The following MSR1 variants were observed in gnomAD, a reference collection of about 807,000 sequenced individuals.
MSR1 encodes macrophage scavenger receptor types I and II.
In MSR1, 53 loss-of-function variants were observed where a neutral mutation model predicts 47.2. The ratio of observed to expected loss-of-function variants is 1.12; its 90% CI spans 0.90 to 1.41. MSR1 has a LOEUF of 1.41. Ranked by LOEUF, MSR1 falls within the 40% of genes most tolerant of loss-of-function variation. The probability of loss-of-function intolerance (pLI) is 0.00; values close to 1 mark genes in which losing one functional copy is unlikely to be tolerated. For synonymous variants in MSR1, 239 were observed against 185.6 expected (o/e 1.29, Z -2.34); for missense variants, 786 against 546.9 (o/e 1.44, Z -4.36).
At chr8:16,180,091 T>A (rs1036790252) in intron 1 of MSR1, among the ~76,000 whole-genome samples, 1 of 138,674 alleles carries the variant, frequency 7.2e-6, no homozygotes, top group African/African-American at 2.8e-5. Flanking sequence ...CCGGTCTCTC[T>A]CTTTCTCTCT....
At chr8:16,153,387 C>T (rs1302407353) in intron 6 of MSR1, among the ~76,000 whole-genome samples, 2 of 151,924 alleles carry the variant, frequency 1.3e-5, no homozygotes, top group South Asian at 4.2e-4. Flanking sequence ...GTGCACCAAA[C>T]AAAATGGTAA....
chr8:16,183,240 G>A (rs533907744), intron 1 of MSR1, among the ~76,000 whole-genome samples: 6 of 152,084 alleles, frequency 3.9e-5, no homozygotes, highest in African/African-American at 1.4e-4. Context: ...TTACTGAAAT[G>A]CAAAATAAAC....
intron 8 of MSR1, chr8:16,120,823 A>C (rs1799987199): frequency 1.7e-6 from 1 of 601,142 alleles, no homozygotes; most frequent in South Asian, 2.1e-5. Context: ...GTTAAGAGCA[A>C]AATCCAATCT....
chr8:16,136,669 C>A (rs1424240517), intron 8 of MSR1, among the ~76,000 whole-genome samples: 1 of 152,054 alleles, frequency 6.6e-6, no homozygotes, highest in Non-Finnish European at 1.5e-5. Flanking sequence ...GTGGCATGAT[C>A]TCAGCTCACT....
In MSR1 at chr8:16,116,594, TA is replaced by T. The variant is rs769374345; in HGVS notation, c.1222+3823del. On this transcript the variant is annotated intron_variant, in intron 9 of 9. Transcript: ENST00000262101. ...TGTCATTCTATTCCTTATTTAAGTT[TA>T]AAAAAAACCATTTTCTTCTTAGTAT... 1.9e-4 allele frequency among the ~76,000 whole-genome samples: 28 copies of T among 151,076 alleles called. No individual in the cohort carries two copies. The South Asian group carries it at 5.6e-3, about 30-fold the overall frequency.
Position 16,177,869 on chromosome 8 carries a change from C to T in MSR1, c.103+17G>A. ...CTAAGAACAACCTCCATGGGCAGCC[C>T]ATCCCCCTCTACTTACTCGGAGGAA... On this transcript the variant is annotated intron_variant, in intron 2 of 9. Coordinates refer to ENST00000262101, the MANE Select transcript of MSR1 (RefSeq NM_138715.3). 3.1e-6 allele frequency: 5 copies of T among 1,603,808 alleles called. No individual in the cohort carries two copies. The highest frequency in any genetic ancestry group is 4.3e-6 in the Non-Finnish European group (5 of 1,170,806).
At chr8:16,123,659 A>C (rs1254684688) in intron 8 of MSR1, among the ~76,000 whole-genome samples, 4 of 152,028 alleles carry the variant, frequency 2.6e-5, no homozygotes, top group Non-Finnish European at 4.4e-5. Context: ...TTCAAATCAA[A>C]TAAACACAGA....
chr8:16,112,902 G>C (rs542305472), intron 9 of MSR1, among the ~76,000 whole-genome samples: 1 of 146,618 alleles, frequency 6.8e-6, no homozygotes, highest in South Asian at 2.2e-4. Context: ...TTTATAATTT[G>C]AGGGTTGTAG....
At chr8:16,172,075 AT>A (rs1276331829) in intron 3 of MSR1, among the ~76,000 whole-genome samples, 6 of 152,208 alleles carry the variant, frequency 3.9e-5, no homozygotes, top group African/African-American at 1.2e-4. Flanking sequence ...GGGAAGTAGC[AT>A]TGTGTGATAA....
intron 1 of MSR1, among the ~76,000 whole-genome samples, chr8:16,178,835 T>C (rs1428947702): frequency 6.6e-6 from 1 of 152,158 alleles, no homozygotes; most frequent in Non-Finnish European, 1.5e-5. Context: ...TGGTTTGGAT[T>C]AGCATTTCTC....
intron 1 of MSR1, among the ~76,000 whole-genome samples, chr8:16,188,011 A>G (rs1802052909): frequency 6.6e-6 from 1 of 152,172 alleles, no homozygotes; most frequent in Non-Finnish European, 1.5e-5. Flanking sequence ...GTGCCTTTTA[A>G]TATCAGTTCC....
chr8:16,185,358 A>G (rs1192894854), intron 1 of MSR1, among the ~76,000 whole-genome samples: 1 of 152,184 alleles, frequency 6.6e-6, no homozygotes, highest in Non-Finnish European at 1.5e-5. Flanking sequence ...TTTGTTTTAC[A>G]TAACACAACT....
chr8:16,170,734 T>G (rs956062730), intron 3 of MSR1, among the ~76,000 whole-genome samples: 5 of 152,142 alleles, frequency 3.3e-5, no homozygotes, highest in Admixed American at 1.3e-4. Context: ...AACTAACAGC[T>G]TGGTGTTTAC....
chr8:16,110,052 C>T lies in MSR1; in HGVS notation c.*33G>A, dbSNP rs781018143. 44 of 1,611,404 alleles carry T rather than the reference C, an allele frequency of 2.7e-5. No homozygotes were observed. Among genetic ancestry groups the T allele is most frequent in the South Asian group, 4.4e-5 (4 of 91,024 alleles). ...AGGTAATAAAATCATTTTTGAGCAGCGATTTCATAGTTGTGAATGAAAATA... is the reference window on the plus strand; with the variant it reads ...AGGTAATAAAATCATTTTTGAGCAGTGATTTCATAGTTGTGAATGAAAATA... On this transcript the variant is annotated 3_prime_UTR_variant, in exon 10 of 10. Transcript: ENST00000262101.
chr8:16,117,741 C>T (rs951663393), intron 9 of MSR1, among the ~76,000 whole-genome samples: 1 of 152,104 alleles, frequency 6.6e-6, no homozygotes, highest in Non-Finnish European at 1.5e-5. Flanking sequence ...AAGCAACACA[C>T]TTCAGGTGTC....
intron 9 of MSR1, among the ~76,000 whole-genome samples, chr8:16,112,436 T>C (rs1799778559): frequency 6.6e-6 from 1 of 152,264 alleles, no homozygotes; most frequent in Non-Finnish European, 1.5e-5. Context: ...GTGATATTCA[T>C]GGGTTACATA....
At chr8:16,126,189 A>G (rs1800124311) in intron 8 of MSR1, among the ~76,000 whole-genome samples, 1 of 152,176 alleles carries the variant, frequency 6.6e-6, no homozygotes, top group Non-Finnish European at 1.5e-5. Context: ...TAGAGAAAAG[A>G]TACTACGAAT....
In MSR1 at chr8:16,109,770, C is replaced by G. The variant is rs1799713877; in HGVS notation, c.*315G>C. 3 of 304,346 alleles carry G rather than the reference C, an allele frequency of 9.9e-6. No individual in the cohort carries two copies. Among genetic ancestry groups the G allele is most frequent in the Non-Finnish European group, 1.9e-5 (3 of 161,266 alleles). 18.9% of individuals were successfully genotyped at this position (304,346 alleles called of 1,614,324 possible). On this transcript the variant is annotated 3_prime_UTR_variant, in exon 10 of 10. Coordinates refer to ENST00000262101, the MANE Select transcript of MSR1 (RefSeq NM_138715.3). ...CTGGTGAACATATTATGAATTGGAG[C>G]CAATTACTGGTATGCATTTCTATTA... is the stretch of plus-strand genomic sequence containing the variant.
intron 1 of MSR1, among the ~76,000 whole-genome samples, chr8:16,181,026 T>C (rs1404552838): frequency 6.6e-6 from 1 of 151,686 alleles, no homozygotes; most frequent in East Asian, 1.9e-4. Context: ...CCAAACTGGA[T>C]TATTTAGATC....
Sources: gnomAD v4.1 joint callset for allele counts (sites outside exome capture counted in the v4.1 genomes callset) on GRCh38, gnomAD v4.1.1 for gene constraint, MANE v1.5 for transcripts, NCBI Gene and HGNC (gene_info 2026-07-23, HGNC 2026-07-21) for gene names.